Variants in TP63 observed in about 807,000 individuals in gnomAD.
TP63 encodes tumor protein p63.
In TP63, 17 loss-of-function variants were observed where a neutral mutation model predicts 82.8. The ratio of observed to expected loss-of-function variants is 0.21; its 90% CI spans 0.14 to 0.31. The LOEUF (loss-of-function observed/expected upper bound fraction) is 0.31, where lower values mean the gene tolerates loss of function less well. TP63 is among the 10% of genes least tolerant of loss of function. The pLI, the probability that TP63 is intolerant of heterozygous loss-of-function variation, is 1.00. For missense variants in TP63, 648 were observed against 895.3 expected, an observed-to-expected ratio of 0.72 and a Z score of 3.52; for synonymous variants, 330 against 321.7, an observed-to-expected ratio of 1.03 and a Z score of -0.28.
intron 3 of TP63, among the ~76,000 whole-genome samples, chr3:189,747,666 C>T (rs1721480237): frequency 6.6e-6 from 1 of 151,702 alleles, no homozygotes; most frequent in Non-Finnish European, 1.5e-5. Flanking sequence ...AACAATGCAC[C>T]TTAAGGAAAT....
chr3:189,635,574 C>G (rs1266607112), intron 1 of TP63, among the ~76,000 whole-genome samples: 1 of 152,040 alleles, frequency 6.6e-6, no homozygotes, highest in Non-Finnish European at 1.5e-5. Flanking sequence ...TGGCTGACTC[C>G]CTGTTGGTTT....
chr3:189,620,946 C>T, the TP63 span, among the ~76,000 whole-genome samples: 1 of 152,180 alleles, frequency 6.6e-6, no homozygotes, highest in Non-Finnish European at 1.5e-5. Flanking sequence ...TTCATCTTGG[C>T]ATAATATTTT....
Position 189,749,356 on chromosome 3 carries a change from G to A in TP63, c.324+10582G>A, listed in dbSNP as rs753024358. 5.9e-5 allele frequency among the ~76,000 whole-genome samples: 9 copies of A among 151,900 alleles called. No individual in the cohort carries two copies. In the East Asian group the frequency reaches 7.7e-4, roughly 13 times the overall value. ...CAACAGTAAAAAAATAAATAATCCC[G>A]TAAAAATGAGATTACTGACATCAAA... On this transcript the variant is annotated intron_variant, in intron 3 of 13. Coordinates refer to ENST00000264731, the MANE Select transcript of TP63 (RefSeq NM_003722.5).
chr3:189,607,274 T>C, the TP63 span, among the ~76,000 whole-genome samples: 4 of 152,340 alleles, frequency 2.6e-5, no homozygotes, highest in African/African-American at 9.6e-5. Context: ...CTGATGAATC[T>C]GTTTAGAGTC....
intron 1 of TP63, among the ~76,000 whole-genome samples, chr3:189,636,384 T>G (rs1729782332): frequency 6.6e-6 from 1 of 152,068 alleles, no homozygotes; most frequent in South Asian, 2.1e-4. Context: ...ATGAGTTAAG[T>G]AGGGATAAAA....
chr3:189,744,340 G>A lies in TP63; in HGVS notation c.324+5566G>A, dbSNP rs146317788. On this transcript the variant is annotated intron_variant, in intron 3 of 13. Coordinates refer to ENST00000264731, the MANE Select transcript of TP63 (RefSeq NM_003722.5). Reference sequence around the variant, plus strand: ...GAAGAGCTATGGTGTAGCTGCTGTGGCCCTTACCTGAACATTGTTCTGGCC... The same window carrying A: ...GAAGAGCTATGGTGTAGCTGCTGTGACCCTTACCTGAACATTGTTCTGGCC... Among the ~76,000 whole-genome samples the A allele has an allele frequency of 6.8e-3, 1,035 of 152,240 alleles. 14 individuals carry two copies. Among genetic ancestry groups the A allele is most frequent in the African/African-American group, 0.024 (980 of 41,558 alleles).
At chr3:189,735,933 A>T (rs1400855556) in intron 1 of TP63, among the ~76,000 whole-genome samples, 2 of 152,040 alleles carry the variant, frequency 1.3e-5, no homozygotes, top group Non-Finnish European at 2.9e-5. Context: ...TCACTATCCC[A>T]GTTTTGATAT....
intron 10 of TP63, among the ~76,000 whole-genome samples, chr3:189,875,609 T>TATATATATATATATATATATACACAC (rs1719012288): frequency 4.8e-5 from 3 of 62,986 alleles, no homozygotes; most frequent in Admixed American, 1.6e-4. Context: ...TATATATATA[T>TATATATATATATATATATATACACAC]ATATATATAT....
chr3:189,662,987 A>G (rs1560093189), intron 1 of TP63, among the ~76,000 whole-genome samples: 1 of 151,162 alleles, frequency 6.6e-6, no homozygotes, highest in Non-Finnish European at 1.5e-5. Flanking sequence ...ATTTTAACTT[A>G]TTATGTGGCT....
chr3:189,889,282 G>T, intron 11 of TP63, 58 bp from the exon 12 acceptor site: 1 of 1,612,798 alleles, frequency 6.2e-7, no homozygotes, highest in Non-Finnish European at 8.5e-7. Flanking sequence ...ATGGACCACT[G>T]GGATGCTGGT....
intron 1 of TP63, among the ~76,000 whole-genome samples, chr3:189,687,484 A>G (rs1386892776): frequency 6.6e-6 from 1 of 152,192 alleles, no homozygotes; most frequent in East Asian, 1.9e-4. Flanking sequence ...GCCTCAGTTG[A>G]AGTCTTACCT....
intron 1 of TP63, among the ~76,000 whole-genome samples, chr3:189,661,402 C>T (rs757503377): frequency 6.6e-6 from 1 of 151,974 alleles, no homozygotes. Context: ...TTGAACCCAG[C>T]GTGCATCCCA....
chr3:189,760,800 AC>A (rs1327546737), intron 3 of TP63, among the ~76,000 whole-genome samples: 1 of 152,170 alleles, frequency 6.6e-6, no homozygotes, highest in Non-Finnish European at 1.5e-5. Flanking sequence ...CCCTGCCTTG[AC>A]AGTAAACTTC....
rs190707402 is a variant in TP63, at chr3:189,729,533, T to C, written c.63-8207T>C. On this transcript the variant is annotated intron_variant, in intron 1 of 13. Coordinates refer to ENST00000264731, the MANE Select transcript of TP63 (RefSeq NM_003722.5). ...TTTTAAGAATATTGGTTCAGTAATA[T>C]ATAAAAATAAATTCCTTGATAAGAA... Among the ~76,000 whole-genome samples the C allele has an allele frequency of 7.9e-5, 12 of 152,350 alleles. No individual in the cohort carries two copies. In the East Asian group the frequency reaches 2.3e-3, roughly 29 times the overall value.
At chr3:189,640,212 A>G (rs1711702875) in intron 1 of TP63, among the ~76,000 whole-genome samples, 1 of 152,076 alleles carries the variant, frequency 6.6e-6, no homozygotes, top group African/African-American at 2.4e-5. Context: ...AATTTTCATA[A>G]GATGTATTTT....
intron 1 of TP63, among the ~76,000 whole-genome samples, chr3:189,685,618 C>T (rs948536784): frequency 6.6e-6 from 1 of 151,916 alleles, no homozygotes; most frequent in Admixed American, 6.6e-5. Context: ...AGCAAGTCTT[C>T]AATACATGTG....
intron 4 of TP63, among the ~76,000 whole-genome samples, chr3:189,826,415 A>AAGGGAT: frequency 6.6e-6 from 1 of 152,334 alleles, no homozygotes; most frequent in East Asian, 1.9e-4. Context: ...TCTCTCTAGG[A>AAGGGAT]AGGGATACTG....
At chr3:189,653,851 T>G (rs1713098333) in intron 1 of TP63, among the ~76,000 whole-genome samples, 1 of 152,180 alleles carries the variant, frequency 6.6e-6, no homozygotes, top group Admixed American at 6.5e-5. Flanking sequence ...CTTTATATGT[T>G]TAAGGGATTA....
intron 1 of TP63, among the ~76,000 whole-genome samples, chr3:189,698,013 A>G (rs1022690932): frequency 6.6e-6 from 1 of 152,172 alleles, no homozygotes; most frequent in Non-Finnish European, 1.5e-5. Flanking sequence ...CAATTTGTGT[A>G]TTTTAATATG....
Sources: gnomAD v4.1 joint callset for allele counts (sites outside exome capture counted in the v4.1 genomes callset) on GRCh38, gnomAD v4.1.1 for gene constraint, MANE v1.5 for transcripts, NCBI Gene and HGNC (gene_info 2026-07-23, HGNC 2026-07-21) for gene names.